The following GRM7 variants were observed in gnomAD, a reference collection of about 807,000 sequenced individuals.
GRM7 encodes glutamate metabotropic receptor 7, also known as metabotropic glutamate receptor 7.
GRM7 carries 35 observed loss-of-function variants against 84.5 expected under a neutral mutation model. The ratio of observed to expected loss-of-function variants is 0.41; its 90% CI spans 0.32 to 0.55. GRM7 has a LOEUF of 0.55. Ranked by LOEUF, GRM7 falls within the 20% of genes least tolerant of loss-of-function variation. The pLI is 0.19. For missense variants in GRM7, 1,003 were observed against 1,194.6 expected, an observed-to-expected ratio of 0.84 and a Z score of 2.36; for synonymous variants, 487 against 455.1, an observed-to-expected ratio of 1.07 and a Z score of -0.89.
At chr3:7,225,420 T>C (rs986286647) in intron 2 of GRM7, among the ~76,000 whole-genome samples, 4 of 147,916 alleles carry the variant, frequency 2.7e-5, no homozygotes, top group African/African-American at 9.8e-5. Context: ...AATGTAAATA[T>C]AAATATAGTT....
chr3:7,052,350 C>A (rs1317666151), intron 1 of GRM7, among the ~76,000 whole-genome samples: 2 of 151,610 alleles, frequency 1.3e-5, no homozygotes, highest in Non-Finnish European at 3.0e-5. Context: ...CATTTAAGAA[C>A]AATTAACTTT....
intron 7 of GRM7, among the ~76,000 whole-genome samples, chr3:7,484,486 T>A (rs1161825904): frequency 1.3e-5 from 2 of 152,184 alleles, no homozygotes; most frequent in Non-Finnish European, 2.9e-5. Flanking sequence ...GTATGTTTCT[T>A]CCAATGCTCA....
At chr3:7,158,149 T>G (rs1694513611) in intron 2 of GRM7, among the ~76,000 whole-genome samples, 1 of 152,134 alleles carries the variant, frequency 6.6e-6, no homozygotes, top group Non-Finnish European at 1.5e-5. Flanking sequence ...TTCTGAGATA[T>G]GAATAGGTAA....
At chr3:7,028,848 A>G (rs1371138655) in intron 1 of GRM7, among the ~76,000 whole-genome samples, 1 of 152,270 alleles carries the variant, frequency 6.6e-6, no homozygotes, top group East Asian at 1.9e-4. Context: ...GCTAAGAAAA[A>G]TGTATAATAA....
At chr3:7,058,601 C>T (rs1183715217) in intron 1 of GRM7, among the ~76,000 whole-genome samples, 1 of 151,764 alleles carries the variant, frequency 6.6e-6, no homozygotes. Flanking sequence ...ATGCTTGTTC[C>T]TCAGTGCCAT....
intron 4 of GRM7, among the ~76,000 whole-genome samples, chr3:7,360,134 CCT>C (rs1466965932): frequency 4.7e-5 from 5 of 105,856 alleles, no homozygotes; most frequent in African/African-American, 1.7e-4. Context: ...CTTTTTTTTC[CCT>C]CTGTGTGTGT....
chr3:7,112,960 G>C lies in GRM7; in HGVS notation c.520-33492G>C, dbSNP rs554804585. On this transcript the variant is annotated intron_variant, in intron 1 of 9. Transcript: ENST00000357716. ...ATAGAGAAAGAAACAAAACTGAGTT[G>C]GTTCAGGTTAGACAGCACTAGCATC... 1.4e-4 allele frequency among the ~76,000 whole-genome samples: 21 copies of C among 152,208 alleles called. No homozygotes were observed. In the South Asian group the frequency reaches 3.5e-3, roughly 26 times the overall value.
At chr3:7,447,016 A>G (rs970138619) in intron 5 of GRM7, among the ~76,000 whole-genome samples, 4 of 151,020 alleles carry the variant, frequency 2.6e-5, no homozygotes, top group African/African-American at 9.7e-5. Flanking sequence ...CAGAAGGTTA[A>G]AAGAGTGTGC....
intron 3 of GRM7, 111 bp downstream of exon 3, chr3:7,298,936 C>A: frequency 2.1e-6 from 2 of 968,346 alleles, no homozygotes; most frequent in Non-Finnish European, 3.2e-6. Flanking sequence ...AAGCTGTAAT[C>A]ATACAGCGGC....
intron 8 of GRM7, among the ~76,000 whole-genome samples, chr3:7,631,145 C>G (rs1474304946): frequency 1.3e-5 from 2 of 152,206 alleles, no homozygotes; most frequent in Admixed American, 6.5e-5. Flanking sequence ...GTACAATCAC[C>G]CTTCCAGTGA....
chr3:6,876,531 A>G (rs1695310910), intron 1 of GRM7, among the ~76,000 whole-genome samples: 1 of 152,010 alleles, frequency 6.6e-6, no homozygotes, highest in Non-Finnish European at 1.5e-5. Flanking sequence ...TACTCATGTT[A>G]AAATATGATG....
intron 1 of GRM7, among the ~76,000 whole-genome samples, chr3:6,995,514 A>G (rs1453141202): frequency 6.6e-6 from 1 of 152,200 alleles, no homozygotes; most frequent in Non-Finnish European, 1.5e-5. Flanking sequence ...ACACTTTACA[A>G]AGGAAATTTG....
intron 1 of GRM7, among the ~76,000 whole-genome samples, chr3:6,995,042 G>T (rs1299488125): frequency 6.6e-6 from 1 of 152,092 alleles, no homozygotes; most frequent in Non-Finnish European, 1.5e-5. Flanking sequence ...TTCAGAGTTG[G>T]TACACCACTT....
At chr3:7,638,047 C>T (rs1008973044) in intron 8 of GRM7, among the ~76,000 whole-genome samples, 8 of 152,166 alleles carry the variant, frequency 5.3e-5, no homozygotes, top group Non-Finnish European at 1.2e-4. Context: ...AGAATTGAGA[C>T]ACCAGATAAG....
At chr3:7,145,562 GC>G (rs1694081386) in intron 1 of GRM7, among the ~76,000 whole-genome samples, 1 of 152,070 alleles carries the variant, frequency 6.6e-6, no homozygotes, top group Non-Finnish European at 1.5e-5. Context: ...TACTCACATA[GC>G]CCAATTTCCA....
intron 5 of GRM7, among the ~76,000 whole-genome samples, chr3:7,420,462 A>C (rs1211895451): frequency 1.3e-5 from 2 of 152,158 alleles, no homozygotes; most frequent in Non-Finnish European, 2.9e-5. Flanking sequence ...CGTTTTGATG[A>C]GAAGCAATGT....
At chr3:7,215,646 C>T (rs562713121) in intron 2 of GRM7, among the ~76,000 whole-genome samples, 1 of 151,546 alleles carries the variant, frequency 6.6e-6, no homozygotes, top group Admixed American at 6.6e-5. Flanking sequence ...GCCTGGGCGA[C>T]AGAGCGAGAC....
chr3:7,431,090 C>T (rs1559316725), intron 5 of GRM7, among the ~76,000 whole-genome samples: 2 of 152,036 alleles, frequency 1.3e-5, no homozygotes, highest in South Asian at 2.1e-4. Flanking sequence ...GGTTCCACAT[C>T]TTCAGCCGGC....
At position 7,190,511 on chromosome 3, in the gene GRM7, G is replaced by A. The variant is rs145169162; in HGVS notation, c.736+43843G>A. Among the ~76,000 whole-genome samples, 6 of 152,146 alleles carry A rather than the reference G, an allele frequency of 3.9e-5. No individual in the cohort carries two copies. In the East Asian group the frequency reaches 1.2e-3, roughly 29 times the overall value. On this transcript the variant is annotated intron_variant, in intron 2 of 9. Transcript: ENST00000357716. ...GTCCTCTGTTTGCCTGAATTTGGAGGCAAGATTAGACAAATCTTGATCTTT... is the reference window on the plus strand; with the variant it reads ...GTCCTCTGTTTGCCTGAATTTGGAGACAAGATTAGACAAATCTTGATCTTT...
Sources: gnomAD v4.1 joint callset for allele counts (sites outside exome capture counted in the v4.1 genomes callset) on GRCh38, gnomAD v4.1.1 for gene constraint, MANE v1.5 for transcripts, NCBI Gene and HGNC (gene_info 2026-07-23, HGNC 2026-07-21) for gene names.